EIF2B3: variants seen among roughly 807,000 people sequenced by gnomAD.
EIF2B3 encodes the protein eukaryotic translation initiation factor 2B subunit gamma.
In EIF2B3, 20 loss-of-function variants were observed where a neutral mutation model predicts 54.1. That is an observed-to-expected ratio of 0.37 (90% CI 0.26 to 0.54). The LOEUF (loss-of-function observed/expected upper bound fraction) is 0.54, where lower values mean the gene tolerates loss of function less well. EIF2B3 is among the 20% of genes least tolerant of loss of function. The probability of loss-of-function intolerance (pLI) is 0.86; values close to 1 mark genes in which losing one functional copy is unlikely to be tolerated. For synonymous variants in EIF2B3, 153 were observed against 188.1 expected, an observed-to-expected ratio of 0.81 and a Z score of 1.52; for missense variants, 448 against 547.8, an observed-to-expected ratio of 0.82 and a Z score of 1.82.
intron 3 of EIF2B3, among the ~76,000 whole-genome samples, chr1:44,950,414 C>T (rs554181471): frequency 6.6e-6 from 1 of 151,880 alleles, no homozygotes; most frequent in Non-Finnish European, 1.5e-5. Flanking sequence ...AGAGTGAGAT[C>T]GTGTTTCTAA....
chr1:44,973,578 C>T, intron 3 of EIF2B3, among the ~76,000 whole-genome samples: 1 of 152,004 alleles, frequency 6.6e-6, no homozygotes, highest in East Asian at 1.9e-4. Context: ...AGGGCATGCA[C>T]CTGTAGTTCC....
intron 3 of EIF2B3, among the ~76,000 whole-genome samples, chr1:44,951,871 T>A (rs550072304): frequency 1.0e-4 from 15 of 147,772 alleles, no homozygotes; most frequent in African/African-American, 3.5e-4. Context: ...CACTGCAGCC[T>A]CCGCTTCACA....
intron 5 of EIF2B3, among the ~76,000 whole-genome samples, chr1:44,922,836 A>ATTTTTTTTTTTTTTTTTTTTTT (rs386366852): frequency 1.6e-4 from 9 of 56,654 alleles, no homozygotes; most frequent in Non-Finnish European, 2.2e-4. Flanking sequence ...TCTTTTTCAG[A>ATTTTTTTTTTTTTTTTTTTTTT]TTTTTTTTTT....
chr1:44,902,478 T>G (rs1643325728), intron 5 of EIF2B3, among the ~76,000 whole-genome samples: 2 of 151,502 alleles, frequency 1.3e-5, no homozygotes, highest in South Asian at 2.1e-4. Context: ...CCTAGGCGAC[T>G]AAGCAAGACC....
At chr1:44,942,377 TTA>T (rs1170326455) in intron 3 of EIF2B3, among the ~76,000 whole-genome samples, 850 of 21,540 alleles carry the variant, frequency 0.039, 37 homozygotes, top group Middle Eastern at 0.059. Flanking sequence ...CTTTCTGATT[TTA>T]TATATATATA....
intron 5 of EIF2B3, among the ~76,000 whole-genome samples, chr1:44,914,134 TGCTTTTAAA>T (rs1330393606): frequency 4.6e-5 from 7 of 150,922 alleles, no homozygotes; most frequent in Non-Finnish European, 1.0e-4. Flanking sequence ...CAGCCTTACT[TGCTTTTAAA>T]ACTTTTTAAA....
chr1:44,941,298 C>A (rs1407516427), intron 4 of EIF2B3, among the ~76,000 whole-genome samples: 2 of 152,166 alleles, frequency 1.3e-5, no homozygotes, highest in Non-Finnish European at 1.5e-5. Context: ...TTCCTCTCTG[C>A]ATACAAAAGG....
intron 11 of EIF2B3, among the ~76,000 whole-genome samples, chr1:44,856,595 C>A (rs1480617679): frequency 6.7e-6 from 1 of 149,770 alleles, no homozygotes; most frequent in African/African-American, 2.5e-5. Flanking sequence ...TGGTGCACAG[C>A]CACTAAGTTG....
chr1:44,984,006 C>T (rs1644542704), intron 1 of EIF2B3, among the ~76,000 whole-genome samples: 1 of 151,900 alleles, frequency 6.6e-6, no homozygotes. Context: ...CTGCGCCCGG[C>T]CTCTACCAAA....
intron 4 of EIF2B3, among the ~76,000 whole-genome samples, chr1:44,935,504 C>CT (rs932210590): frequency 3.3e-5 from 5 of 151,918 alleles, no homozygotes; most frequent in African/African-American, 1.2e-4. Context: ...TTTATAAATT[C>CT]TTTTTTTATT....
chr1:44,860,199 G>C (rs1654566058), intron 10 of EIF2B3, among the ~76,000 whole-genome samples: 1 of 152,026 alleles, frequency 6.6e-6, no homozygotes, highest in Non-Finnish European at 1.5e-5. Context: ...ACCCAGGCTG[G>C]AGTGCAGTGG....
chr1:44,855,989 T>C (rs1654419851), intron 11 of EIF2B3, among the ~76,000 whole-genome samples: 1 of 152,084 alleles, frequency 6.6e-6, no homozygotes, highest in South Asian at 2.1e-4. Context: ...TGGGGAGTCA[T>C]GGGAAGAGGC....
At chr1:44,978,791 C>T (rs1346122362) in intron 2 of EIF2B3, among the ~76,000 whole-genome samples, 1 of 151,540 alleles carries the variant, frequency 6.6e-6, no homozygotes, top group South Asian at 2.1e-4. Context: ...CATGTGCCAC[C>T]ATGCTTGGCT....
chr1:44,923,945 T>C (rs1326173599), intron 5 of EIF2B3, among the ~76,000 whole-genome samples: 1 of 149,538 alleles, frequency 6.7e-6, no homozygotes, highest in South Asian at 2.1e-4. Flanking sequence ...CTTTCCTTTT[T>C]TTTTTTTTTT....
intron 1 of EIF2B3, among the ~76,000 whole-genome samples, chr1:44,984,797 C>CTTT (rs71040529): frequency 0.013 from 1,134 of 88,492 alleles, 184 homozygotes; most frequent in East Asian, 0.032. Flanking sequence ...TAATGTCCAT[C>CTTT]TTTTTTTTTT....
chr1:44,952,062 A>G (rs1242499319), intron 3 of EIF2B3, among the ~76,000 whole-genome samples: 2 of 125,806 alleles, frequency 1.6e-5, no homozygotes, highest in African/African-American at 6.2e-5. Flanking sequence ...TCCTGGGTTC[A>G]CGCCATTCTC....
chr1:44,945,916 C>A (rs1644096749), intron 3 of EIF2B3, among the ~76,000 whole-genome samples: 1 of 152,084 alleles, frequency 6.6e-6, no homozygotes, highest in Non-Finnish European at 1.5e-5. Flanking sequence ...TAAGTATACT[C>A]CAAAATCAAG....
chr1:44,937,654 C>A (rs568044766), intron 4 of EIF2B3, among the ~76,000 whole-genome samples: 2 of 151,616 alleles, frequency 1.3e-5, no homozygotes, highest in South Asian at 4.2e-4. Flanking sequence ...GAGGCCGAGG[C>A]GGGCGGATCA....
At chr1:44,968,622 G>A (rs892330739) in intron 3 of EIF2B3, among the ~76,000 whole-genome samples, 7 of 152,090 alleles carry the variant, frequency 4.6e-5, no homozygotes, top group African/African-American at 1.2e-4. Flanking sequence ...CATTTAGGCC[G>A]GTGCAGTGGC....
Sources: allele counts gnomAD v4.1 joint callset (sites outside exome capture counted in the v4.1 genomes callset), GRCh38; gene constraint gnomAD v4.1.1; transcripts MANE v1.5; gene names NCBI Gene and HGNC (gene_info 2026-07-23, HGNC 2026-07-21).